Variants in ANK1 observed in about 807,000 individuals in gnomAD.
ANK1 encodes the protein ankyrin 1, also known as ankyrin-1.
Under a neutral mutation model 210.4 loss-of-function variants are expected in ANK1, and 51 were observed. The observed-to-expected ratio is 0.24, with a 90% CI of 0.19 to 0.31. ANK1 has a LOEUF of 0.31. ANK1 is among the 10% of genes least tolerant of loss of function. ANK1 has a pLI of 1.00. For missense variants in ANK1, 2,051 were observed against 2,504.4 expected (o/e 0.82, Z 3.86); for synonymous variants, 967 against 1,025.9 (o/e 0.94, Z 1.10).
At chr8:41,664,820 C>T (rs763052426) in intron 39 of ANK1, 4 of 1,608,862 alleles carry the variant, frequency 2.5e-6, no homozygotes, top group Non-Finnish European at 3.4e-6. Flanking sequence ...GGAAGACCCG[C>T]CGCCGGACCA....
At chr8:41,875,937 G>A (rs1422829182) in intron 1 of ANK1, among the ~76,000 whole-genome samples, 1 of 152,042 alleles carries the variant, frequency 6.6e-6, no homozygotes, top group Non-Finnish European at 1.5e-5. Context: ...GCTCCCCAGA[G>A]GGGCCGGCGC....
At chr8:41,697,868 C>A (rs377020945) in intron 24 of ANK1, 175 bp downstream of exon 24, 1 of 709,778 alleles carries the variant, frequency 1.4e-6, no homozygotes, top group East Asian at 2.7e-5. Flanking sequence ...GCCCACCCAG[C>A]GCCACCAATG....
intron 23 of ANK1, 116 bp downstream of exon 23, chr8:41,699,336 C>A (rs146099681): frequency 2.1e-6 from 2 of 954,188 alleles, no homozygotes; most frequent in South Asian, 1.3e-5. Context: ...TCTCTCTCTG[C>A]GGGCAGCGAG....
chr8:41,775,423 G>A (rs1345053301), intron 1 of ANK1, among the ~76,000 whole-genome samples: 1 of 152,172 alleles, frequency 6.6e-6, no homozygotes. Flanking sequence ...AGCCTCTGGA[G>A]CAAGGCTTCC....
chr8:41,742,041 C>T (rs1428267710), intron 2 of ANK1, among the ~76,000 whole-genome samples: 1 of 152,112 alleles, frequency 6.6e-6, no homozygotes, highest in Non-Finnish European at 1.5e-5. Context: ...GTGTGATGGG[C>T]GGGGAAGGAG....
chr8:41,867,969 C>T (rs866292449), intron 1 of ANK1, among the ~76,000 whole-genome samples: 21 of 152,204 alleles, frequency 1.4e-4, no homozygotes, highest in African/African-American at 4.3e-4. Context: ...AAGCGATTCT[C>T]GTGCCTCAGC....
At chr8:41,810,742 CT>C (rs993642491) in intron 1 of ANK1, among the ~76,000 whole-genome samples, 1 of 152,230 alleles carries the variant, frequency 6.6e-6, no homozygotes, top group African/African-American at 2.4e-5. Flanking sequence ...AGAACAGGCA[CT>C]GCCCCAAAGT....
chr8:41,694,528 T>C lies in ANK1; in HGVS notation c.3327+64A>G, dbSNP rs148766658. On this transcript the variant is annotated intron_variant, in intron 28 of 42. Coordinates refer to ENST00000289734, the MANE Select transcript of ANK1 (RefSeq NM_000037.4). This position sits in a 1 kb window ranked among gnomAD's most constrained non-coding sequence, Gnocchi z 5.7. ...TGTGGGGATGTCCTGGGGAAGAGGG[T>C]GGCCTTCCCGGAGGCCTGGAGTTCA... 0.031 allele frequency: 45,365 copies of C among 1,472,890 alleles called. 790 individuals carry two copies. The highest frequency in any genetic ancestry group is 0.035 in the Non-Finnish European group (37,567 of 1,068,416). 91.2% of individuals were successfully genotyped at this position (1,472,890 alleles called of 1,614,324 possible).
chr8:41,725,697 CG>C, intron 6 of ANK1, 63 bp downstream of exon 6: 1 of 1,560,234 alleles, frequency 6.4e-7, no homozygotes, highest in Non-Finnish European at 8.7e-7. Flanking sequence ...GCTGGGCGTG[CG>C]CGGTGCCCCC....
At chr8:41,827,633 TACAC>T (rs1158019681) in intron 1 of ANK1, among the ~76,000 whole-genome samples, 2 of 151,804 alleles carry the variant, frequency 1.3e-5, no homozygotes, top group Admixed American at 1.3e-4. Flanking sequence ...TTCACACACA[TACAC>T]ACACACACTC....
intron 34 of ANK1, 70 bp downstream of exon 34, chr8:41,688,441 C>A: frequency 6.4e-7 from 1 of 1,559,156 alleles, no homozygotes; most frequent in Non-Finnish European, 8.8e-7. Context: ...CACAGGGCTG[C>A]GGGGAGATGA....
chr8:41,773,903 C>T (rs1843476470), intron 1 of ANK1, among the ~76,000 whole-genome samples: 1 of 152,130 alleles, frequency 6.6e-6, no homozygotes, highest in Non-Finnish European at 1.5e-5. Context: ...ATTATTTTCC[C>T]AATAGTGAGA....
intron 1 of ANK1, among the ~76,000 whole-genome samples, chr8:41,878,519 C>T (rs1008248082): frequency 1.3e-5 from 2 of 152,188 alleles, no homozygotes; most frequent in African/African-American, 2.4e-5. Context: ...AAGATCAAAT[C>T]GCACTCAAGG....
intron 1 of ANK1, among the ~76,000 whole-genome samples, chr8:41,849,686 C>T (rs1455037334): frequency 6.6e-6 from 1 of 152,230 alleles, no homozygotes; most frequent in East Asian, 1.9e-4. Context: ...GGCTTTCCAT[C>T]ACTTCAGTGT....
In ANK1 at chr8:41,819,293, C is replaced by T. The variant is rs372793759; in HGVS notation, c.127-61156G>A. 5.4e-4 allele frequency among the ~76,000 whole-genome samples: 82 copies of T among 152,288 alleles called. 1 individual carries two copies. The South Asian group carries it at 0.015, about 28-fold the overall frequency. ...AGACTGCTACACTGTGGTGCACTGT[C>T]GAGACTGTAACACTAGGATTACAGG... On this transcript the variant is annotated intron_variant, in intron 1 of 42. Transcript: ENST00000265709.
In ANK1 at chr8:41,672,812, G is replaced by A; in HGVS notation, c.4638C>T (p.Val1546=). 1 of 1,608,668 alleles carries A rather than the reference G, an allele frequency of 6.2e-7. No homozygotes were observed. The highest frequency in any genetic ancestry group is 1.7e-4 in the Middle Eastern group (1 of 6,030). ...RADQYWNEVA[V]LDAIPLAATE... ...TGGCCGCCAAGGGGATGGCGTCTAG[G>A]ACGGCCACCTCATTCCAGTACTGGT... is the stretch of plus-strand genomic sequence containing the variant. The change falls in exon 38 of 43, where the codon GTC becomes GTT. Residue 1546 remains valine, a synonymous_variant. Transcript: ENST00000289734.
intron 1 of ANK1, among the ~76,000 whole-genome samples, chr8:41,758,432 A>C (rs1371396019): frequency 6.6e-6 from 1 of 152,166 alleles, no homozygotes; most frequent in Non-Finnish European, 1.5e-5. Flanking sequence ...TGCAGCCTTG[A>C]ATTCCTGGGC....
In ANK1 at chr8:41,752,510, G is replaced by A. The variant is rs550342184; in HGVS notation, c.129+5526C>T. Among the ~76,000 whole-genome samples the A allele has an allele frequency of 3.5e-4, 54 of 152,172 alleles. No individual in the cohort carries two copies. In the South Asian group the frequency reaches 5.8e-3, roughly 16 times the overall value. ...ATCCAACTGCTTACTATATATTTCT[G>A]CTTGGATTCCTCAGAGCCTCCTTAC... On this transcript the variant is annotated intron_variant, in intron 2 of 42. Transcript: ENST00000289734.
chr8:41,759,872 C>T (rs1173722143), intron 1 of ANK1, among the ~76,000 whole-genome samples: 1 of 152,156 alleles, frequency 6.6e-6, no homozygotes, highest in Non-Finnish European at 1.5e-5. Context: ...GCACAGAGAG[C>T]AGAAGTGCCT....
Sources: allele counts gnomAD v4.1 joint callset (sites outside exome capture counted in the v4.1 genomes callset), GRCh38; gene constraint gnomAD v4.1.1; non-coding constraint Gnocchi (gnomAD v3.1); transcripts MANE v1.5; gene names NCBI Gene and HGNC (gene_info 2026-07-23, HGNC 2026-07-21).